CPSF7: variants seen among roughly 807,000 people sequenced by gnomAD.
CPSF7 encodes the protein cleavage and polyadenylation specific factor 7.
In CPSF7, 1 loss-of-function variant was observed where a neutral mutation model predicts 44.3. That is an observed-to-expected ratio of 0.02 (90% CI 0.01 to 0.11). The LOEUF (loss-of-function observed/expected upper bound fraction) is 0.11, where lower values mean the gene tolerates loss of function less well. Among genes scored for constraint, CPSF7 ranks in the 10% least tolerant of loss-of-function variants. CPSF7 has a pLI of 1.00. For missense variants in CPSF7, 443 were observed against 607.2 expected, an observed-to-expected ratio of 0.73 and a Z score of 2.84; for synonymous variants, 202 against 222.0, an observed-to-expected ratio of 0.91 and a Z score of 0.80.
At chr11:61,429,617 C>T in intron 1 of CPSF7, 3 of 927,818 alleles carry the variant, frequency 3.2e-6, no homozygotes, top group Non-Finnish European at 4.8e-6. Flanking sequence ...GCCCGCAGCC[C>T]CTATCCGCTG....
intron 9 of CPSF7, among the ~76,000 whole-genome samples, chr11:61,410,070 G>A (rs1859712080): frequency 1.3e-5 from 2 of 151,634 alleles, no homozygotes; most frequent in African/African-American, 4.9e-5. Context: ...TGAAGTGATG[G>A]GATTACAGGC....
intron 2 of CPSF7, among the ~76,000 whole-genome samples, chr11:61,422,822 T>C (rs1049857295): frequency 1.3e-5 from 2 of 152,106 alleles, no homozygotes; most frequent in Non-Finnish European, 2.9e-5. Context: ...ACTACTACGA[T>C]ACAGGACCTT....
intron 3 of CPSF7, chr11:61,421,017 A>G: frequency 8.7e-7 from 1 of 1,149,740 alleles, no homozygotes; most frequent in Non-Finnish European, 1.2e-6. Flanking sequence ...CCCCAAGTAT[A>G]CTAGAGTTAT....
rs774144889 is a variant in CPSF7, at chr11:61,416,378, G to A, written c.665C>T (p.Ala222Val). 3.1e-6 allele frequency: 5 copies of A among 1,612,242 alleles called. No individual in the cohort carries two copies. The highest frequency in any genetic ancestry group is 1.7e-5 in the Admixed American group (1 of 59,884). Reference protein sequence around the residue: ...VLPYFNRPPSALPLMGLPPPP... With the variant: ...VLPYFNRPPSVLPLMGLPPPP... Reference sequence around the variant, plus strand: ...TGGGGGCAGACCCATCAGGGGAAGGGCCGAAGGAGGACGATTGAAGTAGGG... The same window carrying A: ...TGGGGGCAGACCCATCAGGGGAAGGACCGAAGGAGGACGATTGAAGTAGGG... The change falls in exon 6 of 10, where the codon GCC becomes GTC. Residue 222 changes from alanine to valine, a missense_variant. By Grantham distance (64) the Ala-to-Val change is moderately conservative. Transcript: ENST00000439958.
At chr11:61,405,109 A>G (rs1304212134) in intron 9 of CPSF7, among the ~76,000 whole-genome samples, 1 of 152,218 alleles carries the variant, frequency 6.6e-6, no homozygotes, top group Non-Finnish European at 1.5e-5. Context: ...TGTGCAAGTC[A>G]TAGCTTACCT....
chr11:61,417,676 C>A (rs575518655), intron 5 of CPSF7, among the ~76,000 whole-genome samples: 9 of 152,338 alleles, frequency 5.9e-5, no homozygotes, highest in African/African-American at 2.2e-4. Context: ...GTCTCAAACA[C>A]ATGGCAACTG....
rs769601011 is a variant in CPSF7, at chr11:61,411,014, C to A, written c.1318G>T (p.Asp440Tyr). 1.2e-6 allele frequency: 2 copies of A among 1,613,876 alleles called. No individual in the cohort carries two copies. Among genetic ancestry groups the A allele is most frequent in the Non-Finnish European group, 1.7e-6 (2 of 1,179,960 alleles). The change falls in exon 9 of 10, where the codon GAT becomes TAT. Residue 440 changes from aspartate (D) to tyrosine (Y), a missense_variant. Asp to Tyr is a radical substitution (Grantham distance 160). Coordinates refer to ENST00000439958, the MANE Select transcript of CPSF7 (RefSeq NM_001142565.3). ...CGGTTCCTTTCTTGGAAATAATCAT[C>A]ATGCCGATCTTCATTATGAAGCAGA... The part of the protein sequence containing the change: ...RDLLHNEDRH[D>Y]DYFQERNREH...
At chr11:61,424,956 A>G (rs1855033121) in intron 2 of CPSF7, among the ~76,000 whole-genome samples, 1 of 152,262 alleles carries the variant, frequency 6.6e-6, no homozygotes, top group Non-Finnish European at 1.5e-5. Context: ...GACAGCTCAG[A>G]GACCAAATGC....
intron 5 of CPSF7, 109 bp from the exon 6 acceptor site, chr11:61,416,628 G>A: frequency 8.4e-7 from 1 of 1,185,234 alleles, no homozygotes; most frequent in Non-Finnish European, 1.2e-6. Flanking sequence ...GGTGACTAAA[G>A]AGGCTGAGAA....
intron 7 of CPSF7, 33 bp downstream of exon 7, chr11:61,415,633 A>C (rs1461310950): frequency 1.5e-6 from 2 of 1,369,214 alleles, no homozygotes; most frequent in South Asian, 2.3e-5. Context: ...GTAAAGGTTA[A>C]GGAGAAGGCA....
chr11:61,418,067 T>G (rs1015330952), intron 5 of CPSF7, among the ~76,000 whole-genome samples: 1 of 152,222 alleles, frequency 6.6e-6, no homozygotes, highest in Admixed American at 6.5e-5. Flanking sequence ...AGAGGGGACT[T>G]GAAAATACAA....
At chr11:61,422,414 T>C (rs1327280317) in intron 2 of CPSF7, among the ~76,000 whole-genome samples, 3 of 151,940 alleles carry the variant, frequency 2.0e-5, no homozygotes, top group African/African-American at 7.3e-5. Context: ...CCTGGGCTCA[T>C]GTGATCCTCC....
chr11:61,412,284 AT>A lies in CPSF7; in HGVS notation c.1058-348del, dbSNP rs551458293. On this transcript the variant is annotated intron_variant, in intron 7 of 9. Transcript: ENST00000439958. ...TATGTTTAACAGTGTTTTAGTGTTT[AT>A]TTTTTTTCATTTTTTTTTTTTTTGA... Among the ~76,000 whole-genome samples the A allele has an allele frequency of 1.5e-4, 23 of 149,228 alleles. No individual in the cohort carries two copies. The East Asian group carries it at 3.6e-3, about 23-fold the overall frequency.
rs543505873 is a variant in CPSF7, at chr11:61,416,169, C to T, written c.874G>A (p.Ala292Thr). Residue 292 changes from alanine (A) to threonine (T), a missense_variant, in exon 6 of 10, where the codon GCT becomes ACT. Coordinates refer to ENST00000439958, the MANE Select transcript of CPSF7 (RefSeq NM_001142565.3). ...LNPAFFPPPNATVGPPPDTYM... is the reference protein window; with the variant it reads ...LNPAFFPPPNTTVGPPPDTYM... The stretch of plus-strand genomic sequence containing the variant: ...GTATCTGGTGGAGGCCCCACTGTAG[C>T]GTTTGGTGGGGGGAAGAAGGCTGGA... The T allele has an allele frequency of 2.2e-4, 328 of 1,515,760 alleles. 3 individuals are homozygous for T. The South Asian group carries it at 2.6e-3, about 12-fold the overall frequency. 93.9% of individuals were successfully genotyped at this position (1,515,760 alleles called of 1,614,324 possible).
chr11:61,424,327 A>C (rs1861159936), intron 2 of CPSF7, among the ~76,000 whole-genome samples: 1 of 152,220 alleles, frequency 6.6e-6, no homozygotes, highest in Non-Finnish European at 1.5e-5. Flanking sequence ...CTATAGACAA[A>C]TCACTCTTCT....
rs1014555804 is a variant in CPSF7, at chr11:61,416,953, C to T, written c.524-434G>A. 2.0e-5 allele frequency among the ~76,000 whole-genome samples: 3 copies of T among 152,246 alleles called. No individual in the cohort carries two copies. The East Asian group carries it at 5.8e-4, about 29-fold the overall frequency. On this transcript the variant is annotated intron_variant, in intron 5 of 9. Transcript: ENST00000439958. ...TTAAACTAATACTAGTTAACCTCTT[C>T]CTGTTGCACACTTAAAATGTTCTCT... is the stretch of plus-strand genomic sequence containing the variant.
At chr11:61,420,794 A>G (rs1860790825) in intron 3 of CPSF7, 2 of 583,650 alleles carry the variant, frequency 3.4e-6, no homozygotes, top group South Asian at 2.0e-5. Flanking sequence ...CGAAGATTAA[A>G]ACTTATTGTA....
chr11:61,416,795 A>G (rs1381641278), intron 5 of CPSF7, among the ~76,000 whole-genome samples: 1 of 152,196 alleles, frequency 6.6e-6, no homozygotes, highest in South Asian at 2.1e-4. Context: ...ATTTATCCTT[A>G]TATGTATCTT....
intron 9 of CPSF7, among the ~76,000 whole-genome samples, chr11:61,410,312 T>C (rs1424469949): frequency 1.3e-5 from 2 of 152,196 alleles, no homozygotes; most frequent in Non-Finnish European, 2.9e-5. Flanking sequence ...CTCGAACTCC[T>C]GGCTCAAACA....
Sources: gnomAD v4.1 joint callset for allele counts (sites outside exome capture counted in the v4.1 genomes callset) on GRCh38, gnomAD v4.1.1 for gene constraint, MANE v1.5 for transcripts, NCBI Gene and HGNC (gene_info 2026-07-23, HGNC 2026-07-21) for gene names.